RUNX1T1: variants seen among roughly 807,000 people sequenced by gnomAD.
RUNX1T1 encodes the protein RUNX1 partner transcriptional co-repressor 1.
RUNX1T1 carries 4 observed loss-of-function variants against 62.8 expected under a neutral mutation model. The ratio of observed to expected loss-of-function variants is 0.06; its 90% CI spans 0.03 to 0.15. The LOEUF (loss-of-function observed/expected upper bound fraction) is 0.15. RUNX1T1 is among the 10% of genes least tolerant of loss of function. The pLI, the probability that RUNX1T1 is intolerant of heterozygous loss-of-function variation, is 1.00. For missense variants in RUNX1T1, 508 were observed against 754.3 expected (o/e 0.67, Z 3.82); for synonymous variants, 291 against 286.0 (o/e 1.02, Z -0.18).
At chr8:92,095,841 T>C (rs1483647601) in intron 1 of RUNX1T1, among the ~76,000 whole-genome samples, 2 of 152,096 alleles carry the variant, frequency 1.3e-5, no homozygotes, top group African/African-American at 4.8e-5. Flanking sequence ...CAGCAAACTG[T>C]ATTTCCCTGC....
chr8:92,057,938 TAAG>T (rs1354580102), intron 1 of RUNX1T1, among the ~76,000 whole-genome samples: 1 of 152,136 alleles, frequency 6.6e-6, no homozygotes, highest in Non-Finnish European at 1.5e-5. Context: ...ATCCTTAGTA[TAAG>T]AAGAACAAAC....
chr8:91,966,922 AAAAC>A (rs531729966), intron 10 of RUNX1T1, among the ~76,000 whole-genome samples: 56 of 152,236 alleles, frequency 3.7e-4, no homozygotes, highest in Admixed American at 9.8e-4. Context: ...CAATTAGGAA[AAAAC>A]AAACAAACAA....
At chr8:92,017,546 A>G in intron 1 of RUNX1T1, 183 bp from the exon 3 acceptor site, 1 of 1,477,782 alleles carries the variant, frequency 6.8e-7, no homozygotes, top group Non-Finnish European at 8.9e-7. Flanking sequence ...AAGAAGGTAT[A>G]GCACAGATGG....
chr8:92,034,767 CATATAT>C (rs541671575), intron 1 of RUNX1T1, among the ~76,000 whole-genome samples: 19 of 139,572 alleles, frequency 1.4e-4, no homozygotes, highest in South Asian at 1.2e-3. Context: ...CACACATATA[CATATAT>C]ATACACATAT....
chr8:91,959,823 A>AGAACATT (rs947410513), exon 11 of RUNX1T1: 5 of 276,422 alleles, frequency 1.8e-5, no homozygotes, highest in Non-Finnish European at 3.5e-5. Context: ...TTGTATATAA[A>AGAACATT]GAACATTGTG....
In RUNX1T1 at chr8:92,034,378, A is replaced by T. The variant is rs992863289; in HGVS notation, c.8-17015T>A. Among the ~76,000 whole-genome samples the T allele has an allele frequency of 2.8e-4, 43 of 152,152 alleles. 1 individual carries two copies. The highest frequency in any genetic ancestry group is 1.0e-3 in the African/African-American group (43 of 41,424). On this transcript the variant is annotated intron_variant, in intron 1 of 10. Coordinates refer to ENST00000396218, the Ensembl canonical transcript of RUNX1T1. ...CTTCAGAAAGCATTTAGTAAGTGCC[A>T]TGTGACAAAATGGAACCCACCCCAT...
chr8:91,990,676 C>A (rs1380577381), intron 6 of RUNX1T1, among the ~76,000 whole-genome samples: 2 of 149,992 alleles, frequency 1.3e-5, no homozygotes, highest in African/African-American at 5.0e-5. Context: ...CAGGGTCTTG[C>A]TCTGCCACCC....
chr8:92,090,318 A>G (rs1836794324), intron 1 of RUNX1T1, among the ~76,000 whole-genome samples: 1 of 152,084 alleles, frequency 6.6e-6, no homozygotes, highest in African/African-American at 2.4e-5. Context: ...AGGAAGTTGA[A>G]CCTGGCCAAC....
chr8:92,011,181 C>T (rs749018630), intron 3 of RUNX1T1, 90 bp from the exon 5 acceptor site: 4 of 714,792 alleles, frequency 5.6e-6, no homozygotes, highest in Non-Finnish European at 9.8e-6. Context: ...TGGTACAACA[C>T]AGTGTAATAA....
At chr8:92,012,573 A>G (rs1401428928) in intron 3 of RUNX1T1, among the ~76,000 whole-genome samples, 1 of 152,168 alleles carries the variant, frequency 6.6e-6, no homozygotes, top group Non-Finnish European at 1.5e-5. Flanking sequence ...AAAAATGTTT[A>G]AAAGAAAAAA....
downstream of RUNX1T1, chr8:91,955,308 C>T (rs1377432976): frequency 4.4e-6 from 1 of 224,898 alleles, no homozygotes; most frequent in African/African-American, 2.2e-5. Context: ...CTGCTAGTTT[C>T]TGGCCTTTTT....
intron 1 of RUNX1T1, among the ~76,000 whole-genome samples, chr8:92,027,038 C>T (rs1313546705): frequency 1.0e-4 from 15 of 150,360 alleles, no homozygotes; most frequent in Non-Finnish European, 1.9e-4. Flanking sequence ...ATGGCGTGAA[C>T]CCGGGAGGCG....
At chr8:92,027,131 A>G (rs1435285799) in intron 1 of RUNX1T1, among the ~76,000 whole-genome samples, 51 of 147,234 alleles carry the variant, frequency 3.5e-4, no homozygotes, top group Admixed American at 2.7e-3. Context: ...AAAAAAAAAA[A>G]AAAGAAAAAC....
At chr8:91,965,296 C>T (rs1050628799) in intron 10 of RUNX1T1, among the ~76,000 whole-genome samples, 1 of 152,172 alleles carries the variant, frequency 6.6e-6, no homozygotes, top group East Asian at 1.9e-4. Context: ...TGAAGATTTA[C>T]CATTGCTGAT....
At chr8:91,994,388 A>G (rs1328926812) in intron 5 of RUNX1T1, 2 of 203,242 alleles carry the variant, frequency 9.8e-6, no homozygotes, top group African/African-American at 4.6e-5. Flanking sequence ...ATTTCTAAAA[A>G]ATACACTTCA....
At chr8:91,960,253 T>C in exon 11 of RUNX1T1, 1 of 1,608,740 alleles carries the variant, frequency 6.2e-7, no homozygotes, top group South Asian at 1.1e-5. Flanking sequence ...TAGCGAGGGG[T>C]TGTCTCTATG....
chr8:92,065,452 A>T (rs1832734488), upstream of RUNX1T1, among the ~76,000 whole-genome samples: 2 of 152,354 alleles, frequency 1.3e-5, no homozygotes, highest in South Asian at 4.1e-4. Flanking sequence ...ATGTCACTGA[A>T]TTAAGAACAC....
intron 3 of RUNX1T1, among the ~76,000 whole-genome samples, 187 bp downstream of exon 4, chr8:92,014,392 G>C (rs1285262210): frequency 6.6e-6 from 1 of 152,010 alleles, no homozygotes; most frequent in Non-Finnish European, 1.5e-5. Flanking sequence ...AAAAAACTCT[G>C]GTGGGGTCAA....
intron 1 of RUNX1T1, among the ~76,000 whole-genome samples, chr8:92,045,186 T>G (rs1051320811): frequency 6.6e-6 from 1 of 152,064 alleles, no homozygotes; most frequent in African/African-American, 2.4e-5. Flanking sequence ...AAGTGGGAAT[T>G]TATGCACCGC....
Sources: allele counts gnomAD v4.1 joint callset (sites outside exome capture counted in the v4.1 genomes callset), GRCh38; gene constraint gnomAD v4.1.1; transcripts MANE v1.5; gene names NCBI Gene and HGNC (gene_info 2026-07-23, HGNC 2026-07-21).